Variants in ZNF732 observed in about 807,000 individuals in gnomAD.
The protein encoded by ZNF732 is zinc finger protein 732.
Under a neutral mutation model 11.5 loss-of-function variants are expected in ZNF732, and 12 were observed. That is an observed-to-expected ratio of 1.05 (90% CI 0.67 to 1.70). ZNF732 has a LOEUF of 1.70. Ranked by LOEUF, ZNF732 falls within the 40% of genes most tolerant of loss-of-function variation. ZNF732 has a pLI of 0.00. For missense variants in ZNF732, 702 were observed against 676.9 expected (o/e 1.04, Z -0.41); for synonymous variants, 231 against 236.5 (o/e 0.98, Z 0.21).
At chr4:290,754 C>T (rs1294512998) in intron 3 of ZNF732, among the ~76,000 whole-genome samples, 1 of 152,136 alleles carries the variant, frequency 6.6e-6, no homozygotes, top group Non-Finnish European at 1.5e-5. Context: ...CCAGAAGAAT[C>T]CATAACTGTC....
intron 3 of ZNF732, among the ~76,000 whole-genome samples, chr4:283,420 T>G (rs573494094): frequency 3.3e-5 from 5 of 150,794 alleles, no homozygotes; most frequent in Non-Finnish European, 7.4e-5. Flanking sequence ...GGTTCAAGGA[T>G]GAAAAAAAAA....
chr4:272,696 T>C, intron 3 of ZNF732, 66 bp from the exon 4 acceptor site: 1 of 1,333,920 alleles, frequency 7.5e-7, no homozygotes, highest in East Asian at 2.6e-5. Flanking sequence ...AAAAATCTAA[T>C]ATATAAACTT....
chr4:288,284 CAT>C (rs1212606258), intron 3 of ZNF732, among the ~76,000 whole-genome samples: 1 of 152,104 alleles, frequency 6.6e-6, no homozygotes, highest in Non-Finnish European at 1.5e-5. Flanking sequence ...GTTTGTTGCT[CAT>C]GTGTTTGATG....
At chr4:292,591 G>A (rs1390309056) in intron 3 of ZNF732, among the ~76,000 whole-genome samples, 3 of 149,116 alleles carry the variant, frequency 2.0e-5, no homozygotes, top group South Asian at 2.1e-4. Flanking sequence ...ATCCCTATCC[G>A]AAATGTATAA....
At position 272,160 on chromosome 4, in the gene ZNF732, TA is replaced by T; in HGVS notation, c.696del (p.Phe232LeufsTer118). On this transcript the variant is annotated frameshift_variant, in exon 4 of 4. Coordinates refer to ENST00000419098, the MANE Select transcript of ZNF732 (RefSeq NM_001137608.3). LOFTEE classifies it low-confidence loss of function (END_TRUNC). Reference sequence around the variant, plus strand: ...TGTTTAGCAAAGTTTGAGGATGTGGTAAAGATGTTGCCACATTCTTCACATG... The same window carrying T: ...TGTTTAGCAAAGTTTGAGGATGTGGTAAGATGTTGCCACATTCTTCACATG... ...PFTCEECGNI[F>X]TTSSNFAKHK... 3 of 1,613,502 alleles carry T rather than the reference TA, an allele frequency of 1.9e-6. No homozygotes were observed. Among genetic ancestry groups the T allele is most frequent in the Non-Finnish European group, 2.5e-6 (3 of 1,179,686 alleles).
intron 3 of ZNF732, among the ~76,000 whole-genome samples, chr4:286,884 G>C (rs1719741692): frequency 6.6e-6 from 1 of 152,184 alleles, no homozygotes; most frequent in Admixed American, 6.5e-5. Flanking sequence ...CAGGCTCTGT[G>C]GTTCACGCCT....
At chr4:297,264 CAA>C (rs782647760) in intron 1 of ZNF732, among the ~76,000 whole-genome samples, 3 of 113,968 alleles carry the variant, frequency 2.6e-5, no homozygotes, top group African/African-American at 3.2e-5. Flanking sequence ...GACTCCATCT[CAA>C]AAAAAAAAAA....
At chr4:297,629 A>AAAAC in intron 1 of ZNF732, among the ~76,000 whole-genome samples, 2 of 151,756 alleles carry the variant, frequency 1.3e-5, no homozygotes, top group South Asian at 4.1e-4. Context: ...AAAAAAAAAA[A>AAAAC]AAACTGCAGG....
chr4:296,107 A>G lies in ZNF732; in HGVS notation c.52T>C (p.Trp18Arg). 1 of 1,613,720 alleles carries G rather than the reference A, an allele frequency of 6.2e-7. No individual in the cohort carries two copies. The highest frequency in any genetic ancestry group is 8.5e-7 in the Non-Finnish European group (1 of 1,179,888). The change falls in exon 2 of 4, where the codon TGG becomes CGG. Residue 18 changes from tryptophan (W) to arginine (R), a missense_variant. By Grantham distance (101) the Trp-to-Arg change is moderately radical. Transcript: ENST00000419098. ...TGCTGGGCAGGGTCCAGGCATTTCC[A>G]CTCTTCTGGAGAGAATTCTATGGCC... is the stretch of plus-strand genomic sequence containing the variant. ...DVAIEFSPEE[W>R]KCLDPAQQNL...
At chr4:277,951 A>G (rs1308316476) in intron 3 of ZNF732, among the ~76,000 whole-genome samples, 1 of 152,206 alleles carries the variant, frequency 6.6e-6, no homozygotes, top group Non-Finnish European at 1.5e-5. Context: ...AACACTATTT[A>G]TAGCCAAGGT....
intron 1 of ZNF732, among the ~76,000 whole-genome samples, chr4:299,375 A>G (rs1479274346): frequency 1.7e-5 from 1 of 60,280 alleles, no homozygotes; most frequent in African/African-American, 4.9e-5. Context: ...ATATGTGTAT[A>G]TATATATACA....
At chr4:305,042 T>C (rs1553844204) in intron 1 of ZNF732, among the ~76,000 whole-genome samples, 3 of 152,146 alleles carry the variant, frequency 2.0e-5, no homozygotes, top group Non-Finnish European at 2.9e-5. Context: ...ACGCAGGCGT[T>C]TTCCCGATGA....
rs782046400 is a variant in ZNF732, at chr4:271,124, T to G, written c.1733A>C (p.Lys578Thr). Residue 578 changes from lysine to threonine, a missense_variant, in exon 4 of 4, where the codon AAA (lysine) becomes ACA (threonine). By Grantham distance (78) the Lys-to-Thr change is moderately conservative. Coordinates refer to ENST00000419098, the MANE Select transcript of ZNF732 (RefSeq NM_001137608.3). ...KWSSYLNQHNKIYTGEKL is the reference protein window; with the variant it reads ...KWSSYLNQHNTIYTGEKL ...CTAGAGTTTCTCTCCAGTATAAATT[T>G]TATTATGTTGATTAAGGTATGAGGA... 5 of 1,517,024 alleles carry G rather than the reference T, an allele frequency of 3.3e-6. No homozygotes were observed. The Admixed American group carries it at 9.5e-5, about 29-fold the overall frequency. 94.0% of individuals were successfully genotyped at this position (1,517,024 alleles called of 1,614,324 possible).
chr4:271,700 C>A lies in ZNF732; in HGVS notation c.1157G>T (p.Gly386Val), dbSNP rs1560155240. The change falls in exon 4 of 4, where the codon GGA (glycine) becomes GTA (valine). Residue 386 changes from glycine (G) to valine (V), a missense_variant. Transcript: ENST00000419098. ...TTCTTCACATGTGTAGGGTTTCTCTCCAGTATGAATACTCTTATGTTTATT... is the reference window on the plus strand; with the variant it reads ...TTCTTCACATGTGTAGGGTTTCTCTACAGTATGAATACTCTTATGTTTATT... The part of the protein sequence containing the change: ...TLNKHKSIHT[G>V]EKPYTCEECG... 1 of 1,612,550 alleles carries A rather than the reference C, an allele frequency of 6.2e-7. No individual in the cohort carries two copies. Among genetic ancestry groups the A allele is most frequent in the East Asian group, 2.2e-5 (1 of 44,834 alleles).
chr4:271,735 G>C lies in ZNF732; in HGVS notation c.1122C>G (p.Ser374=). The C allele has an allele frequency of 1.2e-6, 2 of 1,611,624 alleles. No individual in the cohort carries two copies. Among genetic ancestry groups the C allele is most frequent in the South Asian group, 1.1e-5 (1 of 90,864 alleles). The part of the protein sequence containing the change: ...CEQCGKAFRQ[S]ATLNKHKSIH... ...TACTCTTATGTTTATTAAGGGTTGC[G>C]GATTGTCTAAAGGCTTTGCCACATT... The change falls in exon 4 of 4, where the codon TCC becomes TCG. Residue 374 remains serine, a synonymous_variant. Transcript: ENST00000419098.
intron 3 of ZNF732, among the ~76,000 whole-genome samples, chr4:287,383 T>C (rs1347904326): frequency 7.9e-5 from 12 of 151,400 alleles, no homozygotes; most frequent in Admixed American, 7.9e-4. Context: ...TCCAGCTAAT[T>C]TTTGTATTTT....
chr4:297,624 A>C (rs1406534716), intron 1 of ZNF732, among the ~76,000 whole-genome samples: 1 of 151,642 alleles, frequency 6.6e-6, no homozygotes, highest in Non-Finnish European at 1.5e-5. Context: ...AAAAAAAAAA[A>C]AAAAAAAACT....
intron 1 of ZNF732, among the ~76,000 whole-genome samples, chr4:301,745 C>T (rs1720122652): frequency 6.6e-6 from 1 of 152,160 alleles, no homozygotes; most frequent in Non-Finnish European, 1.5e-5. Flanking sequence ...GGAGGGACAG[C>T]ATTAGGAGAT....
chr4:294,757 C>T (rs1719910369), intron 3 of ZNF732, among the ~76,000 whole-genome samples: 1 of 151,980 alleles, frequency 6.6e-6, no homozygotes, highest in African/African-American at 2.4e-5. Flanking sequence ...CCAATGTGGC[C>T]CAAGGAAGCC....
Sources: gnomAD v4.1 joint callset for allele counts (sites outside exome capture counted in the v4.1 genomes callset) on GRCh38, gnomAD v4.1.1 for gene constraint, MANE v1.5 for transcripts, NCBI Gene and HGNC (gene_info 2026-07-23, HGNC 2026-07-21) for gene names.